ZNF69: variants seen among roughly 807,000 people sequenced by gnomAD.
ZNF69 encodes the protein ZNF3.
Under a neutral mutation model 50.9 loss-of-function variants are expected in ZNF69, and 47 were observed. That is an observed-to-expected ratio of 0.92 (90% CI 0.73 to 1.18). The LOEUF (loss-of-function observed/expected upper bound fraction) is 1.18. Among genes scored for constraint, ZNF69 ranks in the 50% most tolerant of loss-of-function variants. The pLI, the probability that ZNF69 is intolerant of heterozygous loss-of-function variation, is 0.00. For missense variants in ZNF69, 717 were observed against 675.1 expected, an observed-to-expected ratio of 1.06 and a Z score of -0.69; for synonymous variants, 216 against 223.1, an observed-to-expected ratio of 0.97 and a Z score of 0.29.
intron 1 of ZNF69, among the ~76,000 whole-genome samples, chr19:11,898,176 A>G (rs1318121638): frequency 2.0e-5 from 3 of 152,242 alleles, no homozygotes; most frequent in East Asian, 3.9e-4. Context: ...TTATTTTTGC[A>G]TGTTTTTCAT....
chr19:11,974,683 A>C, the ZNF69 span, among the ~76,000 whole-genome samples: 2 of 151,908 alleles, frequency 1.3e-5, no homozygotes, highest in Non-Finnish European at 2.9e-5. Flanking sequence ...GCTCACTGCA[A>C]CTTCCACCTC....
At chr19:11,952,025 AT>A in the ZNF69 span, among the ~76,000 whole-genome samples, 1 of 152,154 alleles carries the variant, frequency 6.6e-6, no homozygotes, top group African/African-American at 2.4e-5. Flanking sequence ...AATTACAAAA[AT>A]TAGCCAGGTG....
chr19:11,972,748 CCA>C, the ZNF69 span, among the ~76,000 whole-genome samples: 3 of 152,050 alleles, frequency 2.0e-5, no homozygotes, highest in Non-Finnish European at 4.4e-5. Flanking sequence ...AGCAAATAAT[CCA>C]CAGAGTTCCC....
At chr19:11,975,502 A>G in the ZNF69 span, among the ~76,000 whole-genome samples, 3 of 151,718 alleles carry the variant, frequency 2.0e-5, no homozygotes, top group Non-Finnish European at 4.4e-5. Flanking sequence ...GGTTCACGCC[A>G]TTCTCCTGCC....
the ZNF69 span, chr19:11,976,809 G>A: frequency 4.6e-5 from 58 of 1,257,752 alleles, no homozygotes; most frequent in Middle Eastern, 2.9e-4. Flanking sequence ...AGCCAAGATC[G>A]CATCATTATA....
chr19:11,961,021 G>A, the ZNF69 span, among the ~76,000 whole-genome samples: 1 of 152,198 alleles, frequency 6.6e-6, no homozygotes, highest in Non-Finnish European at 1.5e-5. Context: ...ACTCACACCT[G>A]TAATCCCAGC....
chr19:11,924,956 T>A, the ZNF69 span: 1 of 432,530 alleles, frequency 2.3e-6, no homozygotes, highest in Non-Finnish European at 4.3e-6. Flanking sequence ...AAGCTGTGGC[T>A]AGAATCCGTC....
At chr19:11,942,055 C>T in the ZNF69 span, among the ~76,000 whole-genome samples, 1 of 151,960 alleles carries the variant, frequency 6.6e-6, no homozygotes, top group Non-Finnish European at 1.5e-5. Context: ...TAGGAATGTC[C>T]CCTTTCCTTT....
At chr19:11,958,839 C>A in the ZNF69 span, among the ~76,000 whole-genome samples, 1 of 152,184 alleles carries the variant, frequency 6.6e-6, no homozygotes, top group East Asian at 1.9e-4. Flanking sequence ...TGGAATTGCT[C>A]TTTCTGCATG....
At chr19:11,962,047 C>T in the ZNF69 span, among the ~76,000 whole-genome samples, 2 of 152,142 alleles carry the variant, frequency 1.3e-5, no homozygotes, top group African/African-American at 4.8e-5. Context: ...AGATTTTGGT[C>T]TCCAGCGATC....
the ZNF69 span, among the ~76,000 whole-genome samples, chr19:11,934,820 C>T: frequency 6.8e-6 from 1 of 147,904 alleles, no homozygotes; most frequent in African/African-American, 2.6e-5. Flanking sequence ...GCCACTGCGC[C>T]CGGCCTGTTT....
chr19:11,938,870 C>G, the ZNF69 span, among the ~76,000 whole-genome samples: 1 of 152,176 alleles, frequency 6.6e-6, no homozygotes, highest in Non-Finnish European at 1.5e-5. Context: ...TATTTCTCCA[C>G]ATCCTCTCCA....
At chr19:11,903,788 G>A (rs1599356586) in intron 2 of ZNF69, 89 bp downstream of exon 2, 1 of 1,603,156 alleles carries the variant, frequency 6.2e-7, no homozygotes, top group East Asian at 2.2e-5. Flanking sequence ...AACATAGACA[G>A]GAAATACTTT....
chr19:11,924,140 A>G, the ZNF69 span, among the ~76,000 whole-genome samples: 1 of 152,182 alleles, frequency 6.6e-6, no homozygotes, highest in South Asian at 2.1e-4. Flanking sequence ...GTATAGATAA[A>G]GAAAATGTGT....
chr19:11,960,174 C>A, the ZNF69 span, among the ~76,000 whole-genome samples: 2 of 151,990 alleles, frequency 1.3e-5, no homozygotes, highest in Admixed American at 1.3e-4. Context: ...CGCATACCAC[C>A]ACCCCCAGCT....
At chr19:11,896,217 T>TAA (rs138289885) in intron 1 of ZNF69, among the ~76,000 whole-genome samples, 1,602 of 63,852 alleles carry the variant, frequency 0.025, 112 homozygotes, top group African/African-American at 0.11. Context: ...GAAACTCCAT[T>TAA]AAAAAAAAAA....
the ZNF69 span, chr19:11,978,815 T>C: frequency 1.2e-6 from 2 of 1,614,116 alleles, no homozygotes; most frequent in Non-Finnish European, 1.7e-6. Context: ...GTTGGTGTCA[T>C]TCCTTTCAAA....
the ZNF69 span, among the ~76,000 whole-genome samples, chr19:11,958,492 C>T: frequency 6.6e-6 from 1 of 152,304 alleles, no homozygotes. Context: ...GTGTCAGAAA[C>T]AAAAGACACC....
At chr19:11,965,228 G>C in the ZNF69 span, 3 of 1,613,972 alleles carry the variant, frequency 1.9e-6, no homozygotes, top group Non-Finnish European at 2.5e-6. Context: ...GTGCATAGCC[G>C]GTTGTCCCGA....
Sources: gnomAD v4.1 joint callset for allele counts (sites outside exome capture counted in the v4.1 genomes callset) on GRCh38, gnomAD v4.1.1 for gene constraint, MANE v1.5 for transcripts, NCBI Gene and HGNC (gene_info 2026-07-23, HGNC 2026-07-21) for gene names.